Variants in CNTN4 observed in about 807,000 individuals in gnomAD.
CNTN4 encodes the protein contactin 4, also known as contactin-4.
A neutral mutation model predicts 122.5 loss-of-function variants in CNTN4; 77 were observed. That is an observed-to-expected ratio of 0.63 (90% CI 0.52 to 0.76). The LOEUF (loss-of-function observed/expected upper bound fraction) is 0.76. Ranked by LOEUF, CNTN4 falls within the 30% of genes least tolerant of loss-of-function variation. The pLI is 0.00. For synonymous variants in CNTN4, 512 were observed against 447.0 expected (o/e 1.15, Z -1.83); for missense variants, 1,256 against 1,259.1 (o/e 1.00, Z 0.04).
intron 14 of CNTN4, among the ~76,000 whole-genome samples, chr3:3,019,815 T>TAC (rs1698131559): frequency 1.4e-5 from 2 of 147,396 alleles, no homozygotes; most frequent in African/African-American, 5.0e-5. Context: ...CATATATATA[T>TAC]ACATATATAT....
intron 7 of CNTN4, among the ~76,000 whole-genome samples, chr3:2,840,418 G>A (rs1283020134): frequency 1.3e-5 from 2 of 151,836 alleles, no homozygotes; most frequent in Admixed American, 1.3e-4. Flanking sequence ...TAGAAAAGCT[G>A]GGGCCGGCGC....
At chr3:2,987,287 G>A (rs902348341) in intron 13 of CNTN4, among the ~76,000 whole-genome samples, 3 of 152,210 alleles carry the variant, frequency 2.0e-5, no homozygotes, top group Non-Finnish European at 4.4e-5. Flanking sequence ...TTCATAATAA[G>A]GCTCCAGCAA....
At chr3:2,184,636 G>T (rs2037164660) in intron 2 of CNTN4, among the ~76,000 whole-genome samples, 1 of 152,114 alleles carries the variant, frequency 6.6e-6, no homozygotes, top group Non-Finnish European at 1.5e-5. Context: ...CCCTTAGGAG[G>T]TGATAAAGTG....
chr3:2,128,179 T>C (rs2034272585), intron 2 of CNTN4, among the ~76,000 whole-genome samples: 1 of 152,336 alleles, frequency 6.6e-6, no homozygotes, highest in East Asian at 1.9e-4. Flanking sequence ...TTTAACCGTC[T>C]GCCAGTTTCT....
chr3:2,464,885 C>T (rs2075442111), intron 3 of CNTN4, among the ~76,000 whole-genome samples: 1 of 152,148 alleles, frequency 6.6e-6, no homozygotes, highest in Non-Finnish European at 1.5e-5. Context: ...AATGACTTTC[C>T]TGTGGAGGCT....
chr3:2,884,574 C>A (rs1258435100), intron 9 of CNTN4, among the ~76,000 whole-genome samples: 1 of 152,114 alleles, frequency 6.6e-6, no homozygotes, highest in Non-Finnish European at 1.5e-5. Context: ...GCTAAGAGAA[C>A]AAAAGCAGAT....
chr3:2,482,026 C>T (rs2076021081), intron 3 of CNTN4, among the ~76,000 whole-genome samples: 1 of 152,236 alleles, frequency 6.6e-6, no homozygotes, highest in South Asian at 2.1e-4. Context: ...TGGGGTGCTG[C>T]TATAAAGATA....
intron 3 of CNTN4, among the ~76,000 whole-genome samples, chr3:2,518,138 GA>G (rs2077091207): frequency 7.6e-6 from 1 of 131,236 alleles, no homozygotes; most frequent in Non-Finnish European, 1.6e-5. Context: ...TAAGAGATGT[GA>G]AAGGCTTTAA....
chr3:2,189,098 C>T (rs1205270797), intron 2 of CNTN4, among the ~76,000 whole-genome samples: 1 of 152,098 alleles, frequency 6.6e-6, no homozygotes, highest in Non-Finnish European at 1.5e-5. Flanking sequence ...TTGGAAATGA[C>T]CTTTCCTTCT....
intron 4 of CNTN4, among the ~76,000 whole-genome samples, chr3:2,697,694 C>T (rs2086117186): frequency 1.3e-5 from 2 of 151,820 alleles, no homozygotes; most frequent in South Asian, 2.1e-4. Flanking sequence ...GAGAAGCAAC[C>T]GATACGATGC....
intron 7 of CNTN4, among the ~76,000 whole-genome samples, chr3:2,859,159 C>T (rs924001793): frequency 4.6e-4 from 70 of 152,320 alleles, no homozygotes; most frequent in African/African-American, 1.7e-3. Context: ...TCATGCACTG[C>T]TTGTCTTTCT....
Position 2,281,870 on chromosome 3 carries a change from C to T in CNTN4, c.-144-57308C>T, listed in dbSNP as rs531621469. 5.9e-5 allele frequency among the ~76,000 whole-genome samples: 9 copies of T among 152,078 alleles called. No homozygotes were observed. In the South Asian group the frequency reaches 6.2e-4, roughly 11 times the overall value. On this transcript the variant is annotated intron_variant, in intron 2 of 24. Coordinates refer to ENST00000418658, the MANE Select transcript of CNTN4 (RefSeq NM_175607.3). Reference sequence around the variant, plus strand: ...AGTAATATACTAGAAGTTTGGTATTCGTGACTCTCATTTTTGGTGAACCAC... The same window carrying T: ...AGTAATATACTAGAAGTTTGGTATTTGTGACTCTCATTTTTGGTGAACCAC...
At chr3:2,283,743 A>G (rs1181219849) in intron 2 of CNTN4, among the ~76,000 whole-genome samples, 1 of 152,124 alleles carries the variant, frequency 6.6e-6, no homozygotes, top group Non-Finnish European at 1.5e-5. Flanking sequence ...ATTGAGCACC[A>G]TCACCCATTC....
At chr3:2,958,794 G>C (rs2094825507) in intron 13 of CNTN4, among the ~76,000 whole-genome samples, 1 of 152,288 alleles carries the variant, frequency 6.6e-6, no homozygotes, top group African/African-American at 2.4e-5. Flanking sequence ...AGGTTGGAGA[G>C]GGGTATTCTG....
chr3:2,491,664 T>C (rs1001344308), intron 3 of CNTN4, among the ~76,000 whole-genome samples: 1 of 152,230 alleles, frequency 6.6e-6, no homozygotes, highest in Non-Finnish European at 1.5e-5. Flanking sequence ...CTATCCAACC[T>C]GTATTTTCGT....
intron 12 of CNTN4, among the ~76,000 whole-genome samples, chr3:2,911,189 T>A (rs541742202): frequency 9.9e-4 from 124 of 125,082 alleles, no homozygotes; most frequent in African/African-American, 3.8e-3. Context: ...GGAGGCCCCC[T>A]GAGAACAAAG....
At chr3:2,245,848 T>C (rs879559664) in intron 2 of CNTN4, among the ~76,000 whole-genome samples, 1 of 152,070 alleles carries the variant, frequency 6.6e-6, no homozygotes, top group Non-Finnish European at 1.5e-5. Flanking sequence ...GCTGAAGTTT[T>C]TATATTTTTC....
At chr3:2,409,309 A>G (rs1433496106) in intron 3 of CNTN4, among the ~76,000 whole-genome samples, 7 of 147,434 alleles carry the variant, frequency 4.7e-5, no homozygotes, top group Admixed American at 6.9e-5. Flanking sequence ...GTGCAGTGGC[A>G]TGATCTTGAC....
At chr3:3,031,830 T>C (rs1699191461) in intron 16 of CNTN4, among the ~76,000 whole-genome samples, 1 of 152,186 alleles carries the variant, frequency 6.6e-6, no homozygotes, top group Admixed American at 6.6e-5. Context: ...TCCCTGACTG[T>C]TGGTGTTCAG....
Sources: allele counts gnomAD v4.1 joint callset (sites outside exome capture counted in the v4.1 genomes callset), GRCh38; gene constraint gnomAD v4.1.1; transcripts MANE v1.5; gene names NCBI Gene and HGNC (gene_info 2026-07-23, HGNC 2026-07-21).